The following RGS7 variants were observed in gnomAD, a reference collection of about 807,000 sequenced individuals.
RGS7 encodes the protein regulator of G protein signaling 7.
In RGS7, 27 loss-of-function variants were observed where a neutral mutation model predicts 81.1. The ratio of observed to expected loss-of-function variants is 0.33; its 90% CI spans 0.25 to 0.46. The LOEUF is 0.46. Among genes scored for constraint, RGS7 ranks in the 20% least tolerant of loss-of-function variants. The probability of loss-of-function intolerance (pLI) is 1.00; values close to 1 mark genes in which losing one functional copy is unlikely to be tolerated. For synonymous variants in RGS7, 208 were observed against 207.7 expected (o/e 1.00, Z -0.01); for missense variants, 396 against 607.4 (o/e 0.65, Z 3.66).
intron 2 of RGS7, among the ~76,000 whole-genome samples, chr1:241,272,693 A>T (rs1328651567): frequency 6.6e-6 from 1 of 152,130 alleles, no homozygotes; most frequent in Non-Finnish European, 1.5e-5. Context: ...GTTACCTGTG[A>T]TTAGATAATT....
At chr1:240,828,027 T>C (rs994432039) in intron 9 of RGS7, among the ~76,000 whole-genome samples, 3 of 152,150 alleles carry the variant, frequency 2.0e-5, no homozygotes, top group African/African-American at 7.2e-5. Flanking sequence ...TTGTTTGCCA[T>C]AGACAGAATG....
At chr1:241,298,954 G>T (rs1440997522) in intron 2 of RGS7, among the ~76,000 whole-genome samples, 1 of 152,146 alleles carries the variant, frequency 6.6e-6, no homozygotes, top group African/African-American at 2.4e-5. Flanking sequence ...AAGGTCAATT[G>T]AGCTGCGCGT....
At chr1:241,056,027 A>G (rs1030215839) in intron 3 of RGS7, among the ~76,000 whole-genome samples, 1 of 152,180 alleles carries the variant, frequency 6.6e-6, no homozygotes, top group Non-Finnish European at 1.5e-5. Context: ...TATGAGTTAC[A>G]TTCAAAAAAT....
chr1:241,065,032 G>T (rs185093835), intron 3 of RGS7, among the ~76,000 whole-genome samples: 2 of 151,840 alleles, frequency 1.3e-5, no homozygotes, highest in Non-Finnish European at 2.9e-5. Context: ...TTTTAAATGT[G>T]GCCTCACAGA....
chr1:241,039,783 G>T (rs935389572), intron 3 of RGS7, among the ~76,000 whole-genome samples: 1 of 152,132 alleles, frequency 6.6e-6, no homozygotes, highest in African/African-American at 2.4e-5. Context: ...AGGCTAGCTG[G>T]TGACGATGGC....
chr1:241,066,027 G>A (rs2062040754), intron 3 of RGS7, among the ~76,000 whole-genome samples: 1 of 152,122 alleles, frequency 6.6e-6, no homozygotes, highest in South Asian at 2.1e-4. Flanking sequence ...GGTAAAAAGA[G>A]TATATAAACT....
intron 2 of RGS7, among the ~76,000 whole-genome samples, chr1:241,245,912 G>A (rs924739499): frequency 2.0e-5 from 3 of 151,744 alleles, no homozygotes; most frequent in African/African-American, 7.3e-5. Context: ...AGACCATCCT[G>A]GCTAACATGG....
chr1:241,236,648 T>C (rs147825226), intron 2 of RGS7, among the ~76,000 whole-genome samples: 1 of 152,302 alleles, frequency 6.6e-6, no homozygotes, highest in African/African-American at 2.4e-5. Flanking sequence ...TGACAGAATA[T>C]AAAGATTCTA....
chr1:240,775,691 G>A lies in RGS7; in HGVS notation c.*529C>T, dbSNP rs1408050158. The A allele has an allele frequency of 6.0e-6, 1 of 165,890 alleles. No individual in the cohort carries two copies. Among genetic ancestry groups the A allele is most frequent in the African/African-American group, 2.4e-5 (1 of 41,666 alleles). The allele number at this position is 165,890 out of a possible 1,614,324, so 10.3% of individuals were successfully genotyped here. ...GTACAGACAACAGACGAAGACATGA[G>A]TTTGTTTCTGACTGTGACACATTGG... On this transcript the variant is annotated 3_prime_UTR_variant, in exon 19 of 19. Transcript: ENST00000440928.
intron 2 of RGS7, among the ~76,000 whole-genome samples, chr1:241,335,999 A>C (rs2082225476): frequency 6.6e-6 from 1 of 152,138 alleles, no homozygotes; most frequent in African/African-American, 2.4e-5. Flanking sequence ...TGTGATTATG[A>C]TTGCTTCTTC....
Position 240,776,227 on chromosome 1 carries a change from T to C in RGS7, c.*7-14A>G. ...GAGAGATTTCCCCTGAGAAAATATATAAAACAAGAGAAAAGAAAGAAAATC... is the reference window on the plus strand; with the variant it reads ...GAGAGATTTCCCCTGAGAAAATATACAAAACAAGAGAAAAGAAAGAAAATC... On this transcript the variant is annotated splice_polypyrimidine_tract_variant and intron_variant, in intron 18 of 18. Transcript: ENST00000440928. 1 of 1,596,028 alleles carries C rather than the reference T, an allele frequency of 6.3e-7. No individual in the cohort carries two copies. Among genetic ancestry groups the C allele is most frequent in the Non-Finnish European group, 8.6e-7 (1 of 1,163,630 alleles).
chr1:241,053,484 A>C (rs1269078455), intron 3 of RGS7, among the ~76,000 whole-genome samples: 1 of 152,236 alleles, frequency 6.6e-6, no homozygotes, highest in Non-Finnish European at 1.5e-5. Context: ...TTTCATCACT[A>C]TCAACGAAGA....
chr1:241,332,223 G>C (rs1190313825), intron 2 of RGS7, among the ~76,000 whole-genome samples: 2 of 152,158 alleles, frequency 1.3e-5, no homozygotes, highest in African/African-American at 4.8e-5. Flanking sequence ...CCACAGGAAG[G>C]ATAATGGATC....
At chr1:240,823,476 C>T in intron 10 of RGS7, 1 of 214,204 alleles carries the variant, frequency 4.7e-6, no homozygotes. Context: ...CGGCCGGGTC[C>T]GCGCGTTCTA....
At chr1:240,905,254 CA>C (rs1236600606) in intron 6 of RGS7, among the ~76,000 whole-genome samples, 1 of 152,106 alleles carries the variant, frequency 6.6e-6, no homozygotes, top group Non-Finnish European at 1.5e-5. Context: ...ACTAAGACTG[CA>C]ACCCTGATTT....
intron 2 of RGS7, among the ~76,000 whole-genome samples, chr1:241,221,006 A>AGAGG (rs1553289481): frequency 4.7e-5 from 4 of 84,648 alleles, no homozygotes; most frequent in African/African-American, 1.6e-4. Context: ...AGAGAGAGAG[A>AGAGG]AAGGAAGGAA....
chr1:241,036,707 G>T (rs1275820875), intron 3 of RGS7, among the ~76,000 whole-genome samples: 1 of 152,236 alleles, frequency 6.6e-6, no homozygotes, highest in African/African-American at 2.4e-5. Flanking sequence ...GTTTGCCTAA[G>T]TATGTTGTAG....
At chr1:241,092,148 C>T (rs368387261) in intron 3 of RGS7, among the ~76,000 whole-genome samples, 6 of 152,232 alleles carry the variant, frequency 3.9e-5, no homozygotes, top group Admixed American at 6.5e-5. Flanking sequence ...CAAGAAACCA[C>T]GTGCTATTTC....
At chr1:241,010,382 A>G (rs1272490346) in intron 3 of RGS7, among the ~76,000 whole-genome samples, 2 of 152,188 alleles carry the variant, frequency 1.3e-5, no homozygotes, top group East Asian at 1.9e-4. Flanking sequence ...ACATGGATTT[A>G]AACAGTTAAG....
Sources: gnomAD v4.1 joint callset for allele counts (sites outside exome capture counted in the v4.1 genomes callset) on GRCh38, gnomAD v4.1.1 for gene constraint, MANE v1.5 for transcripts, NCBI Gene and HGNC (gene_info 2026-07-23, HGNC 2026-07-21) for gene names.